Variants in ITGA9 observed in about 807,000 individuals in gnomAD.
ITGA9 encodes integrin subunit alpha 9, also known as integrin alpha-9.
ITGA9 carries 56 observed loss-of-function variants against 127.8 expected under a neutral mutation model. The observed-to-expected ratio is 0.44, with a 90% CI of 0.35 to 0.55. ITGA9 has a LOEUF of 0.55. ITGA9 is among the 20% of genes least tolerant of loss of function. The pLI, the probability that ITGA9 is intolerant of heterozygous loss-of-function variation, is 0.00. For synonymous variants in ITGA9, 508 were observed against 514.5 expected (o/e 0.99, Z 0.17); for missense variants, 1,196 against 1,347.1 (o/e 0.89, Z 1.76).
chr3:37,455,837 C>T (rs958573464), intron 1 of ITGA9, among the ~76,000 whole-genome samples: 2 of 152,182 alleles, frequency 1.3e-5, no homozygotes, highest in African/African-American at 4.8e-5. Flanking sequence ...AAAGTCAGCA[C>T]GGACTCTGCA....
intron 25 of ITGA9, among the ~76,000 whole-genome samples, chr3:37,781,028 C>G (rs1313478756): frequency 6.6e-6 from 1 of 152,254 alleles, no homozygotes; most frequent in Non-Finnish European, 1.5e-5. Flanking sequence ...ATGCAGAATC[C>G]TGGGCTCCAC....
rs368707385 is a variant in ITGA9, at chr3:37,526,047, T to C, written c.1349T>C (p.Met450Thr). The change falls in exon 13 of 28, where the codon ATG becomes ACG. Residue 450 changes from methionine (M) to threonine (T), a missense_variant. Transcript: ENST00000264741. ...GYPDVTVGAFMSDSVVLLRAR... is the reference protein window; with the variant it reads ...GYPDVTVGAFTSDSVVLLRAR... ...TCAGATGTCACTGTTGGAGCCTTCA[T>C]GTCCGACAGCGTGGTTCTTCTCAGG... 2 of 1,614,028 alleles carry C rather than the reference T, an allele frequency of 1.2e-6. No individual in the cohort carries two copies. The highest frequency in any genetic ancestry group is 1.7e-6 in the Non-Finnish European group (2 of 1,180,026).
intron 23 of ITGA9, among the ~76,000 whole-genome samples, chr3:37,772,581 G>C (rs375884433): frequency 6.6e-6 from 1 of 152,086 alleles, no homozygotes; most frequent in East Asian, 1.9e-4. Flanking sequence ...CACACTTAGA[G>C]GACCGCCTCC....
chr3:37,755,512 A>G (rs1046619247), intron 23 of ITGA9, among the ~76,000 whole-genome samples: 3 of 152,246 alleles, frequency 2.0e-5, no homozygotes, highest in Admixed American at 1.3e-4. Flanking sequence ...TGATGTCTTC[A>G]GAGCAATGCA....
chr3:37,503,728 T>C (rs1698812876), intron 6 of ITGA9, among the ~76,000 whole-genome samples: 1 of 152,218 alleles, frequency 6.6e-6, no homozygotes, highest in African/African-American at 2.4e-5. Flanking sequence ...GAAATTATCA[T>C]GACAGATGGC....
chr3:37,479,680 GC>G (rs1483554640), intron 3 of ITGA9, among the ~76,000 whole-genome samples: 1 of 152,208 alleles, frequency 6.6e-6, no homozygotes, highest in African/African-American at 2.4e-5. Context: ...CACCAGGCCT[GC>G]CCCAGGGGGT....
At chr3:37,774,684 G>A (rs908085783) in intron 23 of ITGA9, among the ~76,000 whole-genome samples, 1 of 151,636 alleles carries the variant, frequency 6.6e-6, no homozygotes, top group Non-Finnish European at 1.5e-5. Context: ...CTGGACTACT[G>A]TACTTCAGCC....
chr3:37,695,692 G>A (rs907490373), intron 18 of ITGA9, among the ~76,000 whole-genome samples: 2 of 152,180 alleles, frequency 1.3e-5, no homozygotes, highest in African/African-American at 4.8e-5. Flanking sequence ...TTGTAACTCA[G>A]GCACCTGAGC....
intron 15 of ITGA9, among the ~76,000 whole-genome samples, chr3:37,577,759 T>C (rs569878827): frequency 1.5e-4 from 23 of 152,348 alleles, no homozygotes; most frequent in Admixed American, 1.4e-3. Context: ...CTTCTTCCCG[T>C]GTGATGATGG....
intron 17 of ITGA9, among the ~76,000 whole-genome samples, chr3:37,658,375 T>G (rs1700498565): frequency 6.6e-6 from 1 of 152,218 alleles, no homozygotes; most frequent in Non-Finnish European, 1.5e-5. Flanking sequence ...GCTCCTGTAT[T>G]GGGTGCATAT....
intron 15 of ITGA9, among the ~76,000 whole-genome samples, chr3:37,576,568 C>A (rs1699655854): frequency 6.6e-6 from 1 of 152,156 alleles, no homozygotes; most frequent in Admixed American, 6.5e-5. Flanking sequence ...TGGAGCATGA[C>A]AGGCATGCTG....
rs1697478923 is a variant in ITGA9, at chr3:37,819,061, G to GA, written c.*79dup. ...GTCTTTGTATCTTCCATATTTGGAA[G>GA]AAAAAAATCTTCTCCAGATTTTTCG... On this transcript the variant is annotated 3_prime_UTR_variant, in exon 28 of 28. Coordinates refer to ENST00000264741, the MANE Select transcript of ITGA9 (RefSeq NM_002207.3). The GA allele has an allele frequency of 6.0e-6, 7 of 1,171,756 alleles. No individual in the cohort carries two copies. In the South Asian group the frequency reaches 6.2e-5, roughly 10 times the overall value. The allele number at this position is 1,171,756 out of a possible 1,614,324, so 72.6% of individuals were successfully genotyped here. A position where few individuals can be genotyped will look rare whatever the true frequency, so the allele number is the denominator to read the frequency against.
At chr3:37,552,648 C>T (rs1455993360) in intron 15 of ITGA9, among the ~76,000 whole-genome samples, 10 of 152,216 alleles carry the variant, frequency 6.6e-5, no homozygotes, top group African/African-American at 1.9e-4. Flanking sequence ...CTCTCTTGGG[C>T]GTATGCGTGT....
rs1012517338 is a variant in ITGA9, at chr3:37,814,572, C to G, written c.3010-4319C>G. Reference sequence around the variant, plus strand: ...GAGCGAGACTCCATCCCCCACCCCCCCAAAAAAGAAACAATATTAGTTTGA... The same window carrying G: ...GAGCGAGACTCCATCCCCCACCCCCGCAAAAAAGAAACAATATTAGTTTGA... On this transcript the variant is annotated intron_variant, in intron 27 of 27. Coordinates refer to ENST00000264741, the MANE Select transcript of ITGA9 (RefSeq NM_002207.3). This position sits in a 1 kb window ranked among gnomAD's most constrained non-coding sequence, Gnocchi z 4.3. Among the ~76,000 whole-genome samples, 2 of 151,940 alleles carry G rather than the reference C, an allele frequency of 1.3e-5. No homozygotes were observed. Among genetic ancestry groups the G allele is most frequent in the South Asian group, 2.1e-4 (1 of 4,826 alleles).
rs1700758665 is a variant in ITGA9 at position 37,684,035 on chromosome 3, A to C, written c.2067+20A>C. The C allele has an allele frequency of 6.2e-7, 1 of 1,609,366 alleles. No homozygotes were observed. The highest frequency in any genetic ancestry group is 8.5e-7 in the Non-Finnish European group (1 of 1,176,704). On this transcript the variant is annotated intron_variant, in intron 18 of 27. Coordinates refer to ENST00000264741, the MANE Select transcript of ITGA9 (RefSeq NM_002207.3). ...CAGAAGGTAAGGAGGGCATCCCTGT[A>C]AAAAGAGCAGTTGTTCCATCTGGTG... is the stretch of plus-strand genomic sequence containing the variant.
intron 15 of ITGA9, among the ~76,000 whole-genome samples, chr3:37,578,122 C>CAGT (rs1326010751): frequency 2.0e-5 from 3 of 152,084 alleles, no homozygotes; most frequent in Non-Finnish European, 4.4e-5. Context: ...TGGGAGGCTG[C>CAGT]AGTTGAGAGG....
chr3:37,545,471 G>A (rs1050879166), intron 15 of ITGA9, among the ~76,000 whole-genome samples: 24 of 152,086 alleles, frequency 1.6e-4, no homozygotes, highest in Non-Finnish European at 2.9e-4. Context: ...TGTTTTCCAG[G>A]CTAACTGTCT....
rs576065558 is a variant in ITGA9, at chr3:37,512,342, C to T, written c.898-1421C>T. 3.5e-4 allele frequency among the ~76,000 whole-genome samples: 53 copies of T among 151,356 alleles called. 1 individual carries two copies. The South Asian group carries it at 8.4e-3, about 24-fold the overall frequency. The stretch of plus-strand genomic sequence containing the variant: ...TCAAGCGATTCTCCTGCCTCAGCCT[C>T]CCTTGTAGCTGGGATTACAGGTGCC... On this transcript the variant is annotated intron_variant, in intron 8 of 27. Transcript: ENST00000264741.
At chr3:37,695,153 G>A (rs1279548041) in intron 18 of ITGA9, among the ~76,000 whole-genome samples, 3 of 152,270 alleles carry the variant, frequency 2.0e-5, no homozygotes, top group African/African-American at 7.2e-5. Flanking sequence ...TTGGTTAAGG[G>A]CCACTTAGGG....
Sources: gnomAD v4.1 joint callset for allele counts (sites outside exome capture counted in the v4.1 genomes callset) on GRCh38, gnomAD v4.1.1 for gene constraint, Gnocchi (gnomAD v3.1) non-coding constraint, MANE v1.5 for transcripts, NCBI Gene and HGNC (gene_info 2026-07-23, HGNC 2026-07-21) for gene names.